The following LYN variants were observed in gnomAD, a reference collection of about 807,000 sequenced individuals.
LYN encodes the protein LYN proto-oncogene, Src family tyrosine kinase, also known as tyrosine-protein kinase Lyn.
Under a neutral mutation model 65.0 loss-of-function variants are expected in LYN, and 12 were observed. The observed-to-expected ratio is 0.18, with a 90% CI of 0.12 to 0.30. The LOEUF (loss-of-function observed/expected upper bound fraction) is 0.30, where lower values mean the gene tolerates loss of function less well. Among genes scored for constraint, LYN ranks in the 10% least tolerant of loss-of-function variants. LYN has a pLI of 1.00. For missense variants in LYN, 380 were observed against 623.2 expected (o/e 0.61, Z 4.16); for synonymous variants, 222 against 221.2 (o/e 1.00, Z -0.03).
At chr8:55,936,787 CA>C (rs2130463147) in intron 1 of LYN, among the ~76,000 whole-genome samples, 1 of 152,120 alleles carries the variant, frequency 6.6e-6, no homozygotes, top group Non-Finnish European at 1.5e-5. Context: ...GTTCCCAACA[CA>C]AAGAAATAAT....
At chr8:55,913,360 T>C (rs772552463) in intron 1 of LYN, among the ~76,000 whole-genome samples, 3 of 152,194 alleles carry the variant, frequency 2.0e-5, no homozygotes, top group Non-Finnish European at 2.9e-5. Flanking sequence ...CAAATGCAAA[T>C]ATCCACAGCC....
chr8:55,883,919 T>C (rs1483625037), intron 1 of LYN, among the ~76,000 whole-genome samples: 1 of 152,230 alleles, frequency 6.6e-6, no homozygotes, highest in African/African-American at 2.4e-5. Context: ...GGTTTCCTGA[T>C]ACTTAAATTG....
At chr8:55,975,962 T>TGAA (rs1807740056) in intron 10 of LYN, among the ~76,000 whole-genome samples, 1 of 152,146 alleles carries the variant, frequency 6.6e-6, no homozygotes, top group Non-Finnish European at 1.5e-5. Flanking sequence ...GTGGTGCTTT[T>TGAA]GGCCTGCAGG....
At chr8:55,988,900 A>G (rs903054751) in intron 10 of LYN, among the ~76,000 whole-genome samples, 2 of 152,106 alleles carry the variant, frequency 1.3e-5, no homozygotes, top group African/African-American at 4.8e-5. Flanking sequence ...AACCCAAAAA[A>G]CAAAAAACTC....
intron 1 of LYN, among the ~76,000 whole-genome samples, chr8:55,889,031 G>T (rs1158278768): frequency 6.6e-6 from 1 of 151,874 alleles, no homozygotes. Context: ...TTATTTGTAT[G>T]TTTTGAGATG....
At chr8:55,902,631 C>T in intron 1 of LYN, 1 of 352,670 alleles carries the variant, frequency 2.8e-6, no homozygotes, top group Non-Finnish European at 5.5e-6. Context: ...AACAGTAGTC[C>T]TATGAGATAA....
At chr8:55,993,341 T>C (rs1330050526) in intron 10 of LYN, among the ~76,000 whole-genome samples, 1 of 152,226 alleles carries the variant, frequency 6.6e-6, no homozygotes, top group Non-Finnish European at 1.5e-5. Flanking sequence ...AAATTTGTAC[T>C]TAACAACAAT....
At chr8:55,942,804 G>A (rs886272614) in intron 2 of LYN, among the ~76,000 whole-genome samples, 5 of 139,938 alleles carry the variant, frequency 3.6e-5, no homozygotes, top group Admixed American at 7.0e-5. Context: ...AAAAAAAAAA[G>A]ATGTAGTGAG....
At chr8:56,002,123 A>G (rs1808529954) in intron 12 of LYN, among the ~76,000 whole-genome samples, 1 of 152,186 alleles carries the variant, frequency 6.6e-6, no homozygotes, top group Admixed American at 6.5e-5. Context: ...TCTACTAAAA[A>G]TATAAAAATT....
In LYN at chr8:55,947,650, T is replaced by C; in HGVS notation, c.211T>C (p.Leu71=). 2 of 1,613,802 alleles carry C rather than the reference T, an allele frequency of 1.2e-6. No homozygotes were observed. Among genetic ancestry groups the C allele is most frequent in the Non-Finnish European group, 1.7e-6 (2 of 1,179,674 alleles). The change falls in exon 4 of 13, where the codon TTG becomes CTG. Residue 71 remains leucine, a synonymous_variant. Transcript: ENST00000519728. ...GGAACAAGGAGACATTGTGGTAGCC[T>C]TGTACCCCTATGATGGCATCCACCC... ...PEEQGDIVVA[L]YPYDGIHPDD... is the part of the protein sequence containing the mutation.
intron 10 of LYN, among the ~76,000 whole-genome samples, chr8:55,974,989 C>T (rs577404028): frequency 1.3e-5 from 2 of 152,264 alleles, no homozygotes; most frequent in East Asian, 3.9e-4. Flanking sequence ...AATTCTCATA[C>T]ATGACTCTTA....
At chr8:55,896,994 C>T (rs1805127771) in intron 1 of LYN, among the ~76,000 whole-genome samples, 1 of 152,176 alleles carries the variant, frequency 6.6e-6, no homozygotes, top group African/African-American at 2.4e-5. Flanking sequence ...CCTGCCTTGG[C>T]CTCCCAAAGT....
At chr8:55,934,242 T>TG in intron 1 of LYN, among the ~76,000 whole-genome samples, 1 of 152,180 alleles carries the variant, frequency 6.6e-6, no homozygotes, top group Middle Eastern at 3.4e-3. Flanking sequence ...AAGAAGGAGC[T>TG]TCAAATCAGG....
At chr8:55,913,917 A>G (rs1585592283) in intron 1 of LYN, among the ~76,000 whole-genome samples, 1 of 152,096 alleles carries the variant, frequency 6.6e-6, no homozygotes, top group African/African-American at 2.4e-5. Flanking sequence ...GATGAGTTGG[A>G]ATGAGATGAG....
intron 1 of LYN, among the ~76,000 whole-genome samples, chr8:55,891,143 G>A (rs142228114): frequency 1.5e-4 from 23 of 151,926 alleles, no homozygotes; most frequent in African/African-American, 4.6e-4. Flanking sequence ...ACCTGAGGTC[G>A]GCAGTTTGAC....
At chr8:56,008,228 T>G (rs1808727805) in intron 12 of LYN, among the ~76,000 whole-genome samples, 1 of 152,160 alleles carries the variant, frequency 6.6e-6, no homozygotes, top group South Asian at 2.1e-4. Context: ...TGCCCCGCAA[T>G]TTGAAAAACA....
rs2130585536 is a variant in LYN, at chr8:55,999,637, C to A, written c.1336+88C>A. ...AGGCATTAAAAAGTAATAATTACTT[C>A]ATCTACCCGATAGCAAAGAATAAGT... On this transcript the variant is annotated intron_variant, in intron 12 of 12. Coordinates refer to ENST00000519728, the MANE Select transcript of LYN (RefSeq NM_002350.4). 8.6e-6 allele frequency: 11 copies of A among 1,281,678 alleles called. No homozygotes were observed. The South Asian group carries it at 1.2e-4, about 14-fold the overall frequency. The allele number at this position is 1,281,678 out of a possible 1,614,324, so 79.4% of individuals were successfully genotyped here.
chr8:55,908,200 C>T (rs1310693252), intron 1 of LYN, among the ~76,000 whole-genome samples: 2 of 149,688 alleles, frequency 1.3e-5, no homozygotes, highest in Non-Finnish European at 3.0e-5. Context: ...CATCAATTCC[C>T]AGACAGCTAA....
At chr8:55,891,538 G>C (rs1425599654) in intron 1 of LYN, among the ~76,000 whole-genome samples, 2 of 152,128 alleles carry the variant, frequency 1.3e-5, no homozygotes, top group Non-Finnish European at 2.9e-5. Context: ...GGCTTGATGG[G>C]GGAGGGAATG....
Sources: gnomAD v4.1 joint callset for allele counts (sites outside exome capture counted in the v4.1 genomes callset) on GRCh38, gnomAD v4.1.1 for gene constraint, MANE v1.5 for transcripts, NCBI Gene and HGNC (gene_info 2026-07-23, HGNC 2026-07-21) for gene names.